Variants in INSL6 observed in about 807,000 individuals in gnomAD.
INSL6 encodes insulin like 6.
Under a neutral mutation model 9.4 loss-of-function variants are expected in INSL6, and 16 were observed. The observed-to-expected ratio is 1.70, with a 90% CI of 1.15 to 2.59. INSL6 has a LOEUF of 2.59. INSL6 is among the 30% of genes most tolerant of loss of function. The pLI is 0.00. For missense variants in INSL6, 391 were observed against 257.3 expected, an observed-to-expected ratio of 1.52 and a Z score of -3.56; for synonymous variants, 154 against 96.9, an observed-to-expected ratio of 1.59 and a Z score of -3.46.
At chr9:5,079,522 G>T in the INSL6 span, among the ~76,000 whole-genome samples, 1 of 151,616 alleles carries the variant, frequency 6.6e-6, no homozygotes, top group African/African-American at 2.4e-5. Context: ...CTGCAAGTGG[G>T]AATTGCCATG....
the INSL6 span, chr9:5,110,261 A>T: frequency 5.3e-5 from 8 of 152,286 alleles, no homozygotes; most frequent in African/African-American, 1.9e-4. Flanking sequence ...TCTACCCTTT[A>T]ATAGAAAATA....
the INSL6 span, among the ~76,000 whole-genome samples, chr9:5,004,521 T>C: frequency 1.3e-5 from 2 of 152,226 alleles, no homozygotes; most frequent in African/African-American, 2.4e-5. Flanking sequence ...CTGTATTTTC[T>C]TTATCAGTTC....
At chr9:5,115,229 C>T in the INSL6 span, among the ~76,000 whole-genome samples, 4 of 152,074 alleles carry the variant, frequency 2.6e-5, no homozygotes, top group African/African-American at 9.7e-5. Context: ...AAAAAAACAA[C>T]CCCATCAAAA....
chr9:5,132,630 G>A (rs1824313022), intron 3 of INSL6, among the ~76,000 whole-genome samples: 1 of 151,862 alleles, frequency 6.6e-6, no homozygotes, highest in African/African-American at 2.4e-5. Context: ...AATACTGACA[G>A]TGCAAGCTAC....
chr9:5,069,837 G>A, the INSL6 span: 401,367 of 768,628 alleles, frequency 0.52, 109,390 homozygotes, highest in African/African-American at 0.88. Flanking sequence ...TTTCTTATAC[G>A]TAGAACACAT....
chr9:5,047,131 C>G, the INSL6 span, among the ~76,000 whole-genome samples: 1 of 152,034 alleles, frequency 6.6e-6, no homozygotes, highest in African/African-American at 2.4e-5. Context: ...GTTTTTACTT[C>G]TCTAAATTTG....
rs533314080 is a variant in INSL6, at chr9:5,144,819, G to A, written c.377-11227C>T. On this transcript the variant is annotated intron_variant, in intron 2 of 3. Coordinates refer to the INSL6 transcript ENST00000649639. ...CTAATTTTTGTTTTCCATTTCCTTG[G>A]TAGATTTTTCTCCATACCTTTATTT... Among the ~76,000 whole-genome samples, 17 of 152,160 alleles carry A rather than the reference G, an allele frequency of 1.1e-4. No individual in the cohort carries two copies. In the East Asian group the frequency reaches 2.7e-3, roughly 24 times the overall value.
the INSL6 span, among the ~76,000 whole-genome samples, chr9:5,115,894 C>A: frequency 6.6e-6 from 1 of 152,070 alleles, no homozygotes; most frequent in East Asian, 1.9e-4. Context: ...ACATCACACA[C>A]CAGGGCCTGT....
chr9:5,079,926 A>G, the INSL6 span, among the ~76,000 whole-genome samples: 1 of 152,170 alleles, frequency 6.6e-6, no homozygotes, highest in South Asian at 2.1e-4. Flanking sequence ...TTGATTCAGA[A>G]CTCACTGTAC....
At chr9:5,077,357 C>A in the INSL6 span, 1 of 408,408 alleles carries the variant, frequency 2.4e-6, no homozygotes, top group Non-Finnish European at 4.0e-6. Flanking sequence ...ATTTCTTTAC[C>A]TATAATGGTC....
the INSL6 span, among the ~76,000 whole-genome samples, chr9:5,037,599 T>C: frequency 6.6e-6 from 1 of 151,994 alleles, no homozygotes; most frequent in Non-Finnish European, 1.5e-5. Flanking sequence ...CAGCAAACTA[T>C]CGCAAGGACA....
the INSL6 span, among the ~76,000 whole-genome samples, chr9:5,032,514 A>C: frequency 6.6e-6 from 1 of 152,318 alleles, no homozygotes; most frequent in African/African-American, 2.4e-5. Flanking sequence ...GGAGACTGAC[A>C]CCTCACATGG....
intron 1 of INSL6, among the ~76,000 whole-genome samples, chr9:5,168,895 G>A (rs957726851): frequency 1.3e-5 from 2 of 151,430 alleles, no homozygotes; most frequent in African/African-American, 4.9e-5. Flanking sequence ...AACCCTACAA[G>A]CCAGAAGAGA....
At chr9:5,077,426 A>C in the INSL6 span, 1 of 836,730 alleles carries the variant, frequency 1.2e-6, no homozygotes, top group Non-Finnish European at 1.7e-6. Context: ...CTTAAGCCTT[A>C]TTATTATTAC....
the INSL6 span, among the ~76,000 whole-genome samples, chr9:5,082,810 C>T: frequency 1.3e-5 from 2 of 152,266 alleles, no homozygotes; most frequent in Non-Finnish European, 2.9e-5. Flanking sequence ...ACATCCTACA[C>T]AGCCCTAGCC....
chr9:5,081,731 A>G, the INSL6 span: 1 of 1,591,302 alleles, frequency 6.3e-7, no homozygotes, highest in South Asian at 1.1e-5. Flanking sequence ...CCAGATTATG[A>G]ACTATTAACA....
chr9:5,093,088 G>A, the INSL6 span, among the ~76,000 whole-genome samples: 1 of 152,108 alleles, frequency 6.6e-6, no homozygotes, highest in Non-Finnish European at 1.5e-5. Context: ...AAGCAATAAT[G>A]TTAATATAAA....
chr9:5,044,701 G>C, the INSL6 span, among the ~76,000 whole-genome samples: 1 of 151,728 alleles, frequency 6.6e-6, no homozygotes, highest in African/African-American at 2.4e-5. Context: ...ATGGTTTATG[G>C]ATAATAGAAT....
the INSL6 span, chr9:5,064,901 T>A: frequency 1.1e-5 from 17 of 1,588,186 alleles, no homozygotes; most frequent in African/African-American, 1.6e-4. Context: ...ACTTAGCTCA[T>A]TAAGGGAAGC....
Sources: allele counts gnomAD v4.1 joint callset (sites outside exome capture counted in the v4.1 genomes callset), GRCh38; gene constraint gnomAD v4.1.1; transcripts MANE v1.5; gene names NCBI Gene and HGNC (gene_info 2026-07-23, HGNC 2026-07-21).